Variants in STK17B observed in about 807,000 individuals in gnomAD.
STK17B encodes the protein serine/threonine kinase 17b.
STK17B carries 21 observed loss-of-function variants against 42.0 expected under a neutral mutation model. That is an observed-to-expected ratio of 0.50 (90% confidence interval 0.35 to 0.72). The LOEUF is 0.72. Among genes scored for constraint, STK17B ranks in the 30% least tolerant of loss-of-function variants. The pLI is 0.00. For synonymous variants in STK17B, 143 were observed against 148.4 expected, an observed-to-expected ratio of 0.96 and a Z score of 0.26; for missense variants, 349 against 446.0, an observed-to-expected ratio of 0.78 and a Z score of 1.96.
At chr2:196,154,260 CAA>C (rs1294128369) in intron 3 of STK17B, 1 of 151,976 alleles carries the variant, frequency 6.6e-6, no homozygotes, top group Non-Finnish European at 1.5e-5. Context: ...ACAACAACAA[CAA>C]AAGATAATAA....
intron 2 of STK17B, among the ~76,000 whole-genome samples, chr2:196,159,104 C>G (rs936759472): frequency 6.6e-6 from 1 of 151,594 alleles, no homozygotes; most frequent in African/African-American, 2.4e-5. Context: ...AAAAACTTGA[C>G]TAAAACAGGA....
At chr2:196,156,689 G>A (rs762210751) in intron 2 of STK17B, 38 bp from the exon 3 acceptor site, 25 of 1,519,312 alleles carry the variant, frequency 1.6e-5, no homozygotes, top group Admixed American at 3.6e-5. Flanking sequence ...TAATTTTTCT[G>A]CAGAGAACAA....
At chr2:196,159,792 T>C (rs1485119965) in intron 2 of STK17B, among the ~76,000 whole-genome samples, 1 of 152,242 alleles carries the variant, frequency 6.6e-6, no homozygotes, top group African/African-American at 2.4e-5. Context: ...TGTTAACACA[T>C]AATAGGAACT....
In STK17B at chr2:196,171,551, G is replaced by C. The variant is rs1004152196; in HGVS notation, c.-263C>G. The stretch of plus-strand genomic sequence containing the variant: ...TGACTCCTGGCGACAGCAGCGGAGA[G>C]GACTACCGAAGCTTGCAGTCGCGGT... On this transcript the variant is annotated 5_prime_UTR_variant, in exon 1 of 8. Transcript: ENST00000263955. 1 of 152,256 alleles carries C rather than the reference G, an allele frequency of 6.6e-6. No individual in the cohort carries two copies. Among genetic ancestry groups the C allele is most frequent in the Non-Finnish European group, 1.5e-5 (1 of 68,068 alleles). The allele number at this position is 152,256 out of a possible 1,614,324, so 9.4% of individuals were successfully genotyped here.
At chr2:196,144,213 G>A (rs972568694) in intron 4 of STK17B, among the ~76,000 whole-genome samples, 13 of 151,212 alleles carry the variant, frequency 8.6e-5, no homozygotes, top group Non-Finnish European at 1.5e-4. Context: ...AAAAGAGGCC[G>A]GGCATGGTGG....
At chr2:196,151,102 T>A (rs1011873175) in intron 3 of STK17B, among the ~76,000 whole-genome samples, 6 of 152,212 alleles carry the variant, frequency 3.9e-5, no homozygotes, top group African/African-American at 1.4e-4. Flanking sequence ...AATATTTACT[T>A]AGAGATGTTT....
intron 3 of STK17B, among the ~76,000 whole-genome samples, chr2:196,151,819 T>C (rs1699669875): frequency 6.6e-6 from 1 of 152,222 alleles, no homozygotes; most frequent in Non-Finnish European, 1.5e-5. Flanking sequence ...TTTATATTAC[T>C]TTCTGAAGAA....
upstream of STK17B, among the ~76,000 whole-genome samples, chr2:196,174,842 T>C (rs1699983911): frequency 6.6e-6 from 1 of 152,256 alleles, no homozygotes; most frequent in Non-Finnish European, 1.5e-5. Flanking sequence ...GCAAAGCTAA[T>C]TGGGGCTAGT....
intron 1 of STK17B, chr2:196,165,581 G>A (rs1699866272): frequency 6.6e-6 from 1 of 152,106 alleles, no homozygotes; most frequent in Non-Finnish European, 1.5e-5. Flanking sequence ...GACAATACTT[G>A]CCCAATTCAG....
chr2:196,133,690 T>TTGAAACAAA lies in STK17B; in HGVS notation c.*3748_*3756dup, dbSNP rs1473213741. The TTGAAACAAA allele has an allele frequency of 6.6e-6, 1 of 152,252 alleles. No individual in the cohort carries two copies. Among genetic ancestry groups the TTGAAACAAA allele is most frequent in the Non-Finnish European group, 1.5e-5 (1 of 68,048 alleles). The allele number at this position is 152,252 out of a possible 1,614,324, so 9.4% of individuals were successfully genotyped here. On this transcript the variant is annotated 3_prime_UTR_variant, in exon 8 of 8. Coordinates refer to ENST00000263955, the MANE Select transcript of STK17B (RefSeq NM_004226.4). ...TAAGAACAATAAATTTAGAAATGCT[T>TTGAAACAAA]TGAAACAAATGACAACCACAGATAT...
At chr2:196,159,604 G>C (rs980844641) in intron 2 of STK17B, among the ~76,000 whole-genome samples, 1 of 152,152 alleles carries the variant, frequency 6.6e-6, no homozygotes, top group Admixed American at 6.6e-5. Context: ...ATGAGCCACT[G>C]CACCAGCCCA....
Position 196,137,408 on chromosome 2 carries a change from A to C in STK17B, c.*39T>G, listed in dbSNP as rs752222049. Reference sequence around the variant, plus strand: ...CATAATCTCACTGGAGTGGATATAAAATTTCAAATTCAGTCCAAATGAGTC... The same window carrying C: ...CATAATCTCACTGGAGTGGATATAACATTTCAAATTCAGTCCAAATGAGTC... On this transcript the variant is annotated 3_prime_UTR_variant, in exon 8 of 8. Coordinates refer to ENST00000263955, the MANE Select transcript of STK17B (RefSeq NM_004226.4). 3.2e-5 allele frequency: 51 copies of C among 1,587,436 alleles called. No individual in the cohort carries two copies. The Admixed American group carries it at 6.8e-4, about 21-fold the overall frequency.
intron 3 of STK17B, among the ~76,000 whole-genome samples, chr2:196,148,005 G>C (rs917199161): frequency 2.0e-5 from 3 of 152,094 alleles, no homozygotes; most frequent in African/African-American, 4.8e-5. Context: ...TGGGATTACA[G>C]GTGTGAGCCA....
At chr2:196,151,682 G>A (rs1223120699) in intron 3 of STK17B, among the ~76,000 whole-genome samples, 4 of 152,032 alleles carry the variant, frequency 2.6e-5, no homozygotes, top group Non-Finnish European at 5.9e-5. Flanking sequence ...CTACAAATAT[G>A]CTTTAAAGAC....
chr2:196,160,560 G>T (rs746128675), intron 2 of STK17B, among the ~76,000 whole-genome samples: 5 of 152,120 alleles, frequency 3.3e-5, no homozygotes, highest in Non-Finnish European at 7.4e-5. Flanking sequence ...AAATGATTAT[G>T]ATTCTAATTT....
Position 196,135,214 on chromosome 2 carries a change from AAATAT to A in STK17B, c.*2228_*2232del, listed in dbSNP as rs1313154831. 6.6e-6 allele frequency: 1 copy of A among 152,206 alleles called. No individual in the cohort carries two copies. Among genetic ancestry groups the A allele is most frequent in the Non-Finnish European group, 1.5e-5 (1 of 68,032 alleles). 9.4% of individuals were successfully genotyped at this position (152,206 alleles called of 1,614,324 possible). On this transcript the variant is annotated 3_prime_UTR_variant, in exon 8 of 8. Transcript: ENST00000263955. Reference sequence around the variant, plus strand: ...ATGGCATGATTCCTCTAAAAATTAAAAATATAATATGGTCTTCAGAAACATAATCA... The same window carrying A: ...ATGGCATGATTCCTCTAAAAATTAAAAATATGGTCTTCAGAAACATAATCA...
chr2:196,149,406 C>T (rs1331431692), intron 3 of STK17B, among the ~76,000 whole-genome samples: 2 of 152,044 alleles, frequency 1.3e-5, no homozygotes, highest in African/African-American at 2.4e-5. Flanking sequence ...CCTCGTGATC[C>T]GCCCGCCTCG....
chr2:196,150,087 T>G (rs1389804813), intron 3 of STK17B, among the ~76,000 whole-genome samples: 2 of 148,434 alleles, frequency 1.3e-5, no homozygotes, highest in Non-Finnish European at 3.0e-5. Context: ...TTGCAGAAGT[T>G]GGCAGAAATT....
At chr2:196,149,015 A>G (rs1471472288) in intron 3 of STK17B, among the ~76,000 whole-genome samples, 1 of 152,240 alleles carries the variant, frequency 6.6e-6, no homozygotes, top group African/African-American at 2.4e-5. Context: ...GAATAATAGA[A>G]TAGCTCCTAC....
Sources: allele counts gnomAD v4.1 joint callset (sites outside exome capture counted in the v4.1 genomes callset), GRCh38; gene constraint gnomAD v4.1.1; transcripts MANE v1.5; gene names NCBI Gene and HGNC (gene_info 2026-07-23, HGNC 2026-07-21).